The following MARS1 variants were observed in gnomAD, a reference collection of about 807,000 sequenced individuals.
The protein encoded by MARS1 is methionine--tRNA ligase, cytoplasmic.
In MARS1, 80 loss-of-function variants were observed where a neutral mutation model predicts 119.5. That is an observed-to-expected ratio of 0.67 (90% CI 0.56 to 0.81). The LOEUF (loss-of-function observed/expected upper bound fraction) is 0.81. MARS1 is among the 30% of genes least tolerant of loss of function. The pLI is 0.00. For missense variants in MARS1, 945 were observed against 1,116.5 expected, an observed-to-expected ratio of 0.85 and a Z score of 2.19; for synonymous variants, 418 against 433.4, an observed-to-expected ratio of 0.96 and a Z score of 0.44.
At chr12:57,515,889 A>G (rs1784928615) in intron 18 of MARS1, 31 bp from the exon 19 acceptor site, 2 of 1,548,306 alleles carry the variant, frequency 1.3e-6, no homozygotes, top group Non-Finnish European at 1.8e-6. Flanking sequence ...GTATCCAATC[A>G]GTAGATGATT....
chr12:57,499,284 CAA>C (rs35924774), intron 9 of MARS1, among the ~76,000 whole-genome samples: 3 of 37,894 alleles, frequency 7.9e-5, no homozygotes, highest in African/African-American at 1.1e-4. Flanking sequence ...AACTCTGTCT[CAA>C]AAAAAAAAAA....
At chr12:57,500,567 ATTC>A (rs1876874670) in intron 10 of MARS1, 45 bp downstream of exon 10, 2 of 1,567,922 alleles carry the variant, frequency 1.3e-6, no homozygotes, top group African/African-American at 2.7e-5. Flanking sequence ...GACAGTCCTT[ATTC>A]TTAAGGGACG....
chr12:57,504,984 G>A (rs1877114332), intron 11 of MARS1, among the ~76,000 whole-genome samples: 1 of 151,804 alleles, frequency 6.6e-6, no homozygotes, highest in Non-Finnish European at 1.5e-5. Context: ...GATTACAGGT[G>A]TGAGCCACCG....
rs117633211 is a variant in MARS1, at chr12:57,512,809, G to A, written c.1812G>A (p.Gly604=). The part of the protein sequence containing the change: ...FSKSRGVGVF[G]DMAQDTGIPA... ...AGAGCCGCGGTGTGGGAGTGTTTGG[G>A]GACATGGCCCAGGACACGGGGATCC... The change falls in exon 15 of 21, where the codon GGG becomes GGA. Residue 604 remains glycine, a synonymous_variant. Coordinates refer to ENST00000262027, the MANE Select transcript of MARS1 (RefSeq NM_004990.4). 1,460 of 1,614,182 alleles carry A rather than the reference G, an allele frequency of 9.0e-4. 34 individuals carry two copies. In the East Asian group the frequency reaches 0.026, roughly 29 times the overall value.
In MARS1 at chr12:57,512,452, G is replaced by T. The variant is rs1565650817; in HGVS notation, c.1753+99G>T. ...TTGGAGAGCTGCTATCTTGAGTTAGGAGTTGAGCTGAAATAGGAAATAATT... is the reference window on the plus strand; with the variant it reads ...TTGGAGAGCTGCTATCTTGAGTTAGTAGTTGAGCTGAAATAGGAAATAATT... On this transcript the variant is annotated intron_variant, in intron 14 of 20. Transcript: ENST00000262027. 7 of 836,588 alleles carry T rather than the reference G, an allele frequency of 8.4e-6. No individual in the cohort carries two copies. In the East Asian group the frequency reaches 1.7e-4, roughly 20 times the overall value. 51.8% of individuals were successfully genotyped at this position (836,588 alleles called of 1,614,324 possible).
intron 10 of MARS1, among the ~76,000 whole-genome samples, chr12:57,502,478 G>A (rs1054701472): frequency 2.0e-5 from 3 of 151,992 alleles, no homozygotes; most frequent in Non-Finnish European, 4.4e-5. Flanking sequence ...AAGCTGAGGC[G>A]GCCGGATCAC....
At chr12:57,513,303 G>C (rs542918360) in intron 15 of MARS1, among the ~76,000 whole-genome samples, 2 of 152,212 alleles carry the variant, frequency 1.3e-5, no homozygotes, top group East Asian at 3.9e-4. Context: ...TGAAGAAAGG[G>C]GTTATTTTGG....
intron 15 of MARS1, among the ~76,000 whole-genome samples, chr12:57,513,795 C>T (rs1877638598): frequency 1.3e-5 from 2 of 151,954 alleles, no homozygotes; most frequent in South Asian, 4.1e-4. Context: ...TAGGTCAGTC[C>T]TGCTACTCAC....
rs765384958 is a variant in MARS1, at chr12:57,515,231, G to A, written c.2286G>A (p.Thr762=). The A allele has an allele frequency of 5.0e-6, 8 of 1,613,990 alleles. No individual in the cohort carries two copies. The highest frequency in any genetic ancestry group is 1.7e-5 in the Admixed American group (1 of 60,002). Residue 762 remains threonine (T), a synonymous_variant, in exon 18 of 21, where the codon ACG becomes ACA. Coordinates refer to ENST00000262027, the MANE Select transcript of MARS1 (RefSeq NM_004990.4). ...LSVMLQPYMP[T]VSATIQAQLQ... is the part of the protein sequence containing the mutation. ...TCATGCTTCAGCCTTACATGCCCACGGTTAGTGCCACAATCCAGGCCCAGC... is the reference window on the plus strand; with the variant it reads ...TCATGCTTCAGCCTTACATGCCCACAGTTAGTGCCACAATCCAGGCCCAGC...
intron 10 of MARS1, among the ~76,000 whole-genome samples, chr12:57,501,514 T>TCAGG (rs1876913695): frequency 6.6e-6 from 1 of 152,046 alleles, no homozygotes; most frequent in Non-Finnish European, 1.5e-5. Flanking sequence ...ATGGCAACCC[T>TCAGG]GTCTCTACTG....
intron 9 of MARS1, among the ~76,000 whole-genome samples, chr12:57,499,167 C>A (rs762080827): frequency 2.3e-4 from 35 of 151,142 alleles, no homozygotes; most frequent in Admixed American, 5.3e-4. Flanking sequence ...GCCTGTAATC[C>A]CAGCTACTTG....
chr12:57,515,214 C>T lies in MARS1; in HGVS notation c.2269C>T (p.Gln757Ter). The change falls in exon 18 of 21, where the codon CAG (glutamine) becomes TAG (stop). Residue 757 changes from glutamine (Q) to a stop codon, truncating the protein, a stop_gained. Transcript: ENST00000262027. LOFTEE classifies it high-confidence loss of function. ...NIAALLSVML[Q>*]PYMPTVSATI... ...AGCTGCCTTGCTCTCTGTCATGCTT[C>T]AGCCTTACATGCCCACGGTTAGTGC... is the stretch of plus-strand genomic sequence containing the variant. 2 of 1,614,198 alleles carry T rather than the reference C, an allele frequency of 1.2e-6. No homozygotes were observed. The highest frequency in any genetic ancestry group is 1.7e-6 in the Non-Finnish European group (2 of 1,180,040).
At chr12:57,500,160 C>T (rs960999909) in intron 9 of MARS1, 161 bp from the exon 10 acceptor site, 1 of 685,368 alleles carries the variant, frequency 1.5e-6, no homozygotes, top group African/African-American at 1.8e-5. Flanking sequence ...CTGAGCTCAT[C>T]CAGTAAAACT....
At chr12:57,495,002 T>C (rs1385397881) in intron 7 of MARS1, among the ~76,000 whole-genome samples, 3 of 152,202 alleles carry the variant, frequency 2.0e-5, no homozygotes, top group African/African-American at 7.2e-5. Flanking sequence ...TCATGGCCCG[T>C]TCTCAGTGAG....
In MARS1 at chr12:57,514,218, C is replaced by T. The variant is rs373430410; in HGVS notation, c.1968-502C>T. Among the ~76,000 whole-genome samples, 261 of 139,254 alleles carry T rather than the reference C, an allele frequency of 1.9e-3. 2 individuals are homozygous for T. The highest frequency in any genetic ancestry group is 6.8e-3 in the African/African-American group (253 of 36,994). 91.4% of individuals were successfully genotyped at this position (139,254 alleles called of 152,430 possible). A position where few individuals can be genotyped will look rare whatever the true frequency, so the allele number is the denominator to read the frequency against. On this transcript the variant is annotated intron_variant, in intron 15 of 20. Coordinates refer to ENST00000262027, the MANE Select transcript of MARS1 (RefSeq NM_004990.4). Reference sequence around the variant, plus strand: ...TGTTGCCCAGGCTGGAGTGCAGTGGCGCGATCTTGGCTCACTGCAACCTCC... The same window carrying T: ...TGTTGCCCAGGCTGGAGTGCAGTGGTGCGATCTTGGCTCACTGCAACCTCC...
At chr12:57,499,601 CAAA>C (rs753629572) in intron 9 of MARS1, among the ~76,000 whole-genome samples, 7 of 67,414 alleles carry the variant, frequency 1.0e-4, no homozygotes, top group Admixed American at 1.6e-4. Flanking sequence ...GAGACTGTCT[CAAA>C]AAAAAAAAAA....
chr12:57,514,783 TG>T lies in MARS1; in HGVS notation c.2032del (p.Asp678IlefsTer44). 6.2e-7 allele frequency: 1 copy of T among 1,614,228 alleles called. No homozygotes were observed. Among genetic ancestry groups the T allele is most frequent in the Non-Finnish European group, 8.5e-7 (1 of 1,180,044 alleles). Reference protein sequence around the residue: ...YVPEMVLTPDDQRLLAHVTLE... With the variant: ...YVPEMVLTPDXQRLLAHVTLE... Reference sequence around the variant, plus strand: ...TGCCTGAGATGGTGCTCACCCCTGATGATCAGCGCCTGCTGGCCCATGTCAC... The same window carrying T: ...TGCCTGAGATGGTGCTCACCCCTGATATCAGCGCCTGCTGGCCCATGTCAC... On this transcript the variant is annotated frameshift_variant, in exon 16 of 21. Coordinates refer to ENST00000262027, the MANE Select transcript of MARS1 (RefSeq NM_004990.4). LOFTEE classifies it high-confidence loss of function.
rs756368203 is a variant in MARS1, at chr12:57,488,236, G to T, written c.109+37G>T. ...GGTGCTGGTGGGCGGTGGATGGGGG[G>T]GCGGGACCGAAACACGCCAGATTCT... On this transcript the variant is annotated intron_variant, in intron 1 of 20. Transcript: ENST00000262027. The T allele has an allele frequency of 3.2e-6, 5 of 1,578,848 alleles. No homozygotes were observed. In the Admixed American group the frequency reaches 8.4e-5, roughly 27 times the overall value.
chr12:57,495,400 A>G (rs1876559996), intron 7 of MARS1, among the ~76,000 whole-genome samples: 1 of 142,874 alleles, frequency 7.0e-6, no homozygotes, highest in Non-Finnish European at 1.5e-5. Flanking sequence ...CACATCTCAG[A>G]CGGGGCGGCG....
Sources: allele counts gnomAD v4.1 joint callset (sites outside exome capture counted in the v4.1 genomes callset), GRCh38; gene constraint gnomAD v4.1.1; transcripts MANE v1.5; gene names NCBI Gene and HGNC (gene_info 2026-07-23, HGNC 2026-07-21).